Variants in MRTFB observed in about 807,000 individuals in gnomAD.
The protein encoded by MRTFB is myocardin-related transcription factor B.
In MRTFB, 29 loss-of-function variants were observed where a neutral mutation model predicts 104.2. The observed-to-expected ratio is 0.28, with a 90% CI of 0.21 to 0.38. The LOEUF (loss-of-function observed/expected upper bound fraction) is 0.38. Ranked by LOEUF, MRTFB falls within the 10% of genes least tolerant of loss-of-function variation. The pLI is 1.00. For missense variants in MRTFB, 1,270 were observed against 1,341.6 expected (o/e 0.95, Z 0.83); for synonymous variants, 535 against 519.5 (o/e 1.03, Z -0.41).
intron 2 of MRTFB, among the ~76,000 whole-genome samples, chr16:14,093,445 A>G (rs936769713): frequency 6.6e-6 from 1 of 152,082 alleles, no homozygotes; most frequent in African/African-American, 2.4e-5. Context: ...TTAATTTTTC[A>G]CTAAAGAACT....
chr16:14,118,120 CT>C (rs371065251), intron 2 of MRTFB, among the ~76,000 whole-genome samples: 9,778 of 135,360 alleles, frequency 0.072, 448 homozygotes, highest in African/African-American at 0.14. Flanking sequence ...ATTCCCTCAT[CT>C]TTTTTTTTTT....
chr16:14,216,134 G>C (rs893606435), intron 6 of MRTFB, among the ~76,000 whole-genome samples: 1 of 152,248 alleles, frequency 6.6e-6, no homozygotes, highest in Non-Finnish European at 1.5e-5. Flanking sequence ...CAGCTCAGCT[G>C]GTGGATAGAG....
intron 8 of MRTFB, among the ~76,000 whole-genome samples, chr16:14,223,643 A>G (rs1227561476): frequency 5.3e-5 from 8 of 152,160 alleles, no homozygotes. Flanking sequence ...GCAAATGGGA[A>G]GGCAGATGAT....
intron 9 of MRTFB, among the ~76,000 whole-genome samples, chr16:14,234,959 G>A (rs534574268): frequency 6.6e-6 from 1 of 152,280 alleles, no homozygotes; most frequent in African/African-American, 2.4e-5. Flanking sequence ...GAATAGTTTA[G>A]GTGAATATAG....
At position 14,252,105 on chromosome 16, in the gene MRTFB, G is replaced by A. The variant is rs2043280243; in HGVS notation, c.2565+82G>A. On this transcript the variant is annotated intron_variant, in intron 14 of 16. Coordinates refer to ENST00000571589, the MANE Select transcript of MRTFB (RefSeq NM_001308142.2). ...CAAAGCCTAGTGCTTTGGGCTTGGA[G>A]TGACTAATGTTAATGGGATAAAATT... 2.8e-6 allele frequency: 4 copies of A among 1,454,252 alleles called. No individual in the cohort carries two copies. The South Asian group carries it at 5.1e-5, about 18-fold the overall frequency. 90.1% of individuals were successfully genotyped at this position (1,454,252 alleles called of 1,614,324 possible).
chr16:14,105,956 T>A (rs2035952361), intron 2 of MRTFB, among the ~76,000 whole-genome samples: 2 of 152,208 alleles, frequency 1.3e-5, no homozygotes, highest in Admixed American at 1.3e-4. Context: ...CCCTAGTTGC[T>A]ATGGAAACAA....
the MRTFB span, among the ~76,000 whole-genome samples, chr16:14,039,171 G>A: frequency 6.6e-6 from 1 of 152,198 alleles, no homozygotes; most frequent in Non-Finnish European, 1.5e-5. Context: ...TGGGACTAGT[G>A]GATCCACCTT....
chr16:14,121,445 C>T (rs2036840795), intron 2 of MRTFB, among the ~76,000 whole-genome samples: 1 of 152,036 alleles, frequency 6.6e-6, no homozygotes, highest in South Asian at 2.1e-4. Context: ...CACGATGCTC[C>T]AAATGTTTGT....
chr16:14,231,267 AAAACTT>A (rs1378256912), intron 8 of MRTFB, among the ~76,000 whole-genome samples: 5 of 151,426 alleles, frequency 3.3e-5, no homozygotes, highest in African/African-American at 9.8e-5. Context: ...CATGTACCCT[AAAACTT>A]AAAGTATAAT....
At position 14,180,795 on chromosome 16, in the gene MRTFB, C is replaced by T. The variant is rs1268724955; in HGVS notation, c.155-29448C>T. Among the ~76,000 whole-genome samples, 6 of 152,234 alleles carry T rather than the reference C, an allele frequency of 3.9e-5. No individual in the cohort carries two copies. In the East Asian group the frequency reaches 9.6e-4, roughly 24 times the overall value. On this transcript the variant is annotated intron_variant, in intron 3 of 16. Transcript: ENST00000571589. ...TGTCCTCAGAGAGGGTGAAGCAAAC[C>T]TGGAGGGGAGGGAGGTGCTGAATGT...
intron 5 of MRTFB, among the ~76,000 whole-genome samples, chr16:14,213,281 A>T (rs951172541): frequency 5.9e-5 from 9 of 152,218 alleles, no homozygotes; most frequent in Non-Finnish European, 1.0e-4. Flanking sequence ...TATCTTCAAA[A>T]CACGACCTTT....
At chr16:14,029,926 G>A in the MRTFB span, among the ~76,000 whole-genome samples, 55 of 152,078 alleles carry the variant, frequency 3.6e-4, no homozygotes, top group African/African-American at 1.2e-3. Context: ...CAGGCTGAGT[G>A]GTTTTGTCAG....
At chr16:14,030,169 A>G in the MRTFB span, among the ~76,000 whole-genome samples, 446 of 152,310 alleles carry the variant, frequency 2.9e-3, 1 homozygote, top group Non-Finnish European at 2.4e-3. Context: ...CACAGAAGAC[A>G]CAGGTCTTAG....
In MRTFB at chr16:14,177,884, G is replaced by A. The variant is rs976096855; in HGVS notation, c.155-32359G>A. On this transcript the variant is annotated intron_variant, in intron 3 of 16. Coordinates refer to ENST00000571589, the MANE Select transcript of MRTFB (RefSeq NM_001308142.2). The surrounding 1 kb of genome is among the most constrained non-coding windows in gnomAD (Gnocchi z 4.7). The stretch of plus-strand genomic sequence containing the variant: ...GAAACTATTATTTAGAAAGCGAGAA[G>A]TACATGAACCAGAGGTAGGGTGTGT... 2.0e-5 allele frequency among the ~76,000 whole-genome samples: 3 copies of A among 146,708 alleles called. No individual in the cohort carries two copies. Among genetic ancestry groups the A allele is most frequent in the African/African-American group, 7.7e-5 (3 of 39,198 alleles).
intron 2 of MRTFB, among the ~76,000 whole-genome samples, chr16:14,110,474 G>A (rs948979320): frequency 6.6e-6 from 1 of 152,156 alleles, no homozygotes; most frequent in Non-Finnish European, 1.5e-5. Flanking sequence ...ATCTCTTCAT[G>A]TCTTTGGGCC....
chr16:14,227,285 C>A (rs3086629), intron 8 of MRTFB, among the ~76,000 whole-genome samples: 119,112 of 145,114 alleles, frequency 0.82, 48,586 homozygotes, highest in Non-Finnish European at 0.9. Flanking sequence ...GTTAAAAAAA[C>A]AAAAACAAAA....
chr16:14,140,282 G>C (rs9939585), intron 2 of MRTFB, among the ~76,000 whole-genome samples: 1 of 152,066 alleles, frequency 6.6e-6, no homozygotes, highest in East Asian at 1.9e-4. Flanking sequence ...GCCACCAATG[G>C]CTATGACTTT....
chr16:14,061,162 A>C, the MRTFB span, among the ~76,000 whole-genome samples: 564 of 152,264 alleles, frequency 3.7e-3, 3 homozygotes, highest in African/African-American at 0.013. Flanking sequence ...AAAACAAAAA[A>C]AAACACCAAA....
chr16:14,231,200 G>C (rs1249706923), intron 8 of MRTFB, among the ~76,000 whole-genome samples: 3 of 151,340 alleles, frequency 2.0e-5, no homozygotes, highest in Non-Finnish European at 1.5e-5. Context: ...GAGTTAATGG[G>C]TGCAGCACAC....
Sources: allele counts gnomAD v4.1 joint callset (sites outside exome capture counted in the v4.1 genomes callset), GRCh38; gene constraint gnomAD v4.1.1; non-coding constraint Gnocchi (gnomAD v3.1); transcripts MANE v1.5; gene names NCBI Gene and HGNC (gene_info 2026-07-23, HGNC 2026-07-21).